Variants in AMELY observed in about 807,000 individuals in gnomAD.
AMELY encodes the protein amelogenin, Y isoform.
Under a neutral mutation model 4.2 loss-of-function variants are expected in AMELY, and 4 were observed. The observed-to-expected ratio is 0.96, with a 90% CI of 0.47 to 2.19. The LOEUF is 2.19. AMELY is among the 30% of genes most tolerant of loss of function. AMELY has a pLI of 0.02. For missense variants in AMELY, 32 were observed against 41.5 expected (o/e 0.77, Z 0.63); for synonymous variants, 11 against 14.7 (o/e 0.75, Z 0.57).
chrY:6,885,188 A>G, intron 1 of AMELY, among the ~76,000 whole-genome samples: 1 of 34,449 alleles, frequency 2.9e-5, no homozygotes, highest in Non-Finnish European at 7.3e-5. Flanking sequence ...TCCTTAAAGA[A>G]TTTAAAACAG....
chrY:6,866,219 G>T, intron 6 of AMELY, 141 bp from the exon 7 acceptor site: 1 of 89,842 alleles, frequency 1.1e-5, no homozygotes. Context: ...AAGTTTCTTT[G>T]TTCATTCGTT....
intron 1 of AMELY, among the ~76,000 whole-genome samples, chrY:6,883,679 A>G: frequency 5.9e-5 from 2 of 33,844 alleles, no homozygotes; most frequent in African/African-American, 2.3e-4. Context: ...TTTTCTTGAT[A>G]TAAATTATTC....
chrY:6,903,216 G>A, intron 1 of AMELY, among the ~76,000 whole-genome samples: 1 of 32,989 alleles, frequency 3.0e-5, no homozygotes, highest in African/African-American at 1.2e-4. Context: ...TCCCTTTTTA[G>A]CCTATTGACT....
rs373920933 is a variant in AMELY at position 6,897,534 on chromosome Y, G to A, written c.-113+14139C>T. 9.2e-3 allele frequency among the ~76,000 whole-genome samples: 265 copies of A among 28,818 alleles called. No individual in the cohort carries two copies. In the Middle Eastern group the frequency reaches 0.21, roughly 23 times the overall value. The allele number at this position is 28,818 out of a possible 37,273, so 77.3% of individuals were successfully genotyped here. A position where few individuals can be genotyped will look rare whatever the true frequency, so the allele number is the denominator to read the frequency against. On this transcript the variant is annotated intron_variant, in intron 1 of 6. Transcript: ENST00000651267. ...GGACCTCAACTGACTCCCCTGCCTCGGCTTCCCAAAGTTCTGGGATTACAA... is the reference window on the plus strand; with the variant it reads ...GGACCTCAACTGACTCCCCTGCCTCAGCTTCCCAAAGTTCTGGGATTACAA...
intron 1 of AMELY, among the ~76,000 whole-genome samples, chrY:6,876,242 T>G (rs772105369): frequency 3.0e-5 from 1 of 33,641 alleles, no homozygotes; most frequent in Non-Finnish European, 7.4e-5. Flanking sequence ...GTAGAAAATT[T>G]TTTATATAAA....
At chrY:6,885,304 T>C (rs2054078903) in intron 1 of AMELY, among the ~76,000 whole-genome samples, 3 of 33,117 alleles carry the variant, frequency 9.1e-5, no homozygotes, top group Non-Finnish European at 1.5e-4. Flanking sequence ...TGAAACCCCG[T>C]CTCTACTAAA....
In AMELY at chrY:6,868,417, G is replaced by A; in HGVS notation, c.193C>T (p.Gln65Ter). The A allele has an allele frequency of 7.5e-6, 3 of 398,321 alleles. No homozygotes were observed. The highest frequency in any genetic ancestry group is 1.1e-5 in the Non-Finnish European group (3 of 283,584). ...TGTTGGGACACCACGGGGATGATTT[G>A]GTGGTGCAGCCATCCACCCATGGGC... is the stretch of plus-strand genomic sequence containing the variant. ...YEPMGGWLHH[Q>*]IIPVVSQQHP... Residue 65 changes from glutamine (Q) to a stop codon, truncating the protein, a stop_gained, in exon 6 of 7, where the codon CAA becomes TAA. Coordinates refer to ENST00000651267, the MANE Select transcript of AMELY (RefSeq NM_001143.2). LOFTEE classifies it high-confidence loss of function.
intron 1 of AMELY, among the ~76,000 whole-genome samples, chrY:6,883,091 C>A: frequency 6.0e-5 from 2 of 33,474 alleles, no homozygotes; most frequent in African/African-American, 2.3e-4. Context: ...AATCCCACTA[C>A]TGGGAATACA....
intron 1 of AMELY, among the ~76,000 whole-genome samples, chrY:6,891,384 C>T (rs2054082900): frequency 3.0e-5 from 1 of 33,826 alleles, no homozygotes. Flanking sequence ...CATCGTGTAT[C>T]CCCCAGATTG....
chrY:6,911,051 G>A (rs2011686944), intron 1 of AMELY: 1 of 37,239 alleles, frequency 2.7e-5, no homozygotes, highest in Non-Finnish European at 6.5e-5. Context: ...CTGACTCCCT[G>A]CGGTCCTGCC....
Position 6,877,471 on chromosome Y carries a change from C to T in AMELY, c.-112-3400G>A, listed in dbSNP as rs368026888. On this transcript the variant is annotated intron_variant, in intron 1 of 6. Coordinates refer to ENST00000651267, the MANE Select transcript of AMELY (RefSeq NM_001143.2). ...CTATTGATATTGCCACAGATGACAC[C>T]CATCCATTCATGCCACCAGCAAGCT... Among the ~76,000 whole-genome samples the T allele has an allele frequency of 0.014, 449 of 33,056 alleles. No homozygotes were observed. The Middle Eastern group carries it at 0.26, about 19-fold the overall frequency. The allele number at this position is 33,056 out of a possible 37,273, so 88.7% of individuals were successfully genotyped here.
At chrY:6,905,410 A>C (rs2011659539) in intron 1 of AMELY, among the ~76,000 whole-genome samples, 2 of 32,622 alleles carry the variant, frequency 6.1e-5, no homozygotes, top group East Asian at 1.7e-3. Context: ...AGTCCAATGC[A>C]TTTGCTATTC....
intron 1 of AMELY, among the ~76,000 whole-genome samples, chrY:6,885,302 C>T (rs2054078870): frequency 3.0e-5 from 1 of 33,327 alleles, no homozygotes; most frequent in African/African-American, 1.2e-4. Context: ...AGTGAAACCC[C>T]GTCTCTACTA....
Position 6,865,957 on chromosome Y carries a change from T to C in AMELY, c.*116A>G, listed in dbSNP as rs2054061421. On this transcript the variant is annotated 3_prime_UTR_variant, in exon 7 of 7. Coordinates refer to ENST00000651267, the MANE Select transcript of AMELY (RefSeq NM_001143.2). ...TTTTATTGTCTACTATTGGTACATT[T>C]TTAGTTACAGAATTTGCTAAGTTAA... 6 of 111,147 alleles carry C rather than the reference T, an allele frequency of 5.4e-5. No homozygotes were observed. The highest frequency in any genetic ancestry group is 1.5e-3 in the Middle Eastern group (1 of 657). The allele number at this position is 111,147 out of a possible 400,897, so 27.7% of individuals were successfully genotyped here.
chrY:6,883,888 G>A, intron 1 of AMELY, among the ~76,000 whole-genome samples: 1 of 32,177 alleles, frequency 3.1e-5, no homozygotes, highest in Non-Finnish European at 7.5e-5. Flanking sequence ...TCCTGCTTGT[G>A]CAACTTGCCA....
chrY:6,883,584 T>TATA (rs2054076710), intron 1 of AMELY, among the ~76,000 whole-genome samples: 1 of 32,699 alleles, frequency 3.1e-5, no homozygotes, highest in East Asian at 8.2e-4. Flanking sequence ...GAACTTAAAG[T>TATA]ATAATAATAA....
intron 1 of AMELY, among the ~76,000 whole-genome samples, chrY:6,883,940 C>A: frequency 3.1e-5 from 1 of 32,176 alleles, no homozygotes; most frequent in African/African-American, 1.2e-4. Context: ...TGCCCAGTCA[C>A]AAGTGAATTT....
intron 1 of AMELY, chrY:6,910,905 C>T: frequency 2.6e-5 from 1 of 39,157 alleles, no homozygotes; most frequent in East Asian, 6.1e-4. Flanking sequence ...GGCCGGGCCT[C>T]ACAGGCTGCC....
intron 1 of AMELY, among the ~76,000 whole-genome samples, chrY:6,897,010 T>A: frequency 3.0e-5 from 1 of 33,124 alleles, no homozygotes; most frequent in South Asian, 6.9e-4. Flanking sequence ...GGAGAAGTAG[T>A]CACAGAAAGT....
Sources: gnomAD v4.1 joint callset for allele counts (sites outside exome capture counted in the v4.1 genomes callset) on GRCh38, gnomAD v4.1.1 for gene constraint, MANE v1.5 for transcripts, NCBI Gene and HGNC (gene_info 2026-07-23, HGNC 2026-07-21) for gene names.